Variants in WIPF3 observed in about 807,000 individuals in gnomAD.
WIPF3 encodes the protein WAS/WASL interacting protein family member 3, also known as WAS/WASL-interacting protein family member 3.
In WIPF3, 33 loss-of-function variants were observed where a neutral mutation model predicts 38.9. That is an observed-to-expected ratio of 0.85 (90% CI 0.64 to 1.14). WIPF3 has a LOEUF of 1.14. Among genes scored for constraint, WIPF3 ranks in the 50% most tolerant of loss-of-function variants. The probability of loss-of-function intolerance (pLI) is 0.00; values close to 1 mark genes in which losing one functional copy is unlikely to be tolerated. For missense variants in WIPF3, 711 were observed against 652.5 expected, an observed-to-expected ratio of 1.09 and a Z score of -0.98; for synonymous variants, 324 against 269.3, an observed-to-expected ratio of 1.20 and a Z score of -1.99.
In WIPF3 at chr7:29,888,049, C is replaced by G. The variant is rs1377747996; in HGVS notation, c.1100-19C>G. Reference sequence around the variant, plus strand: ...ATTCCCATCCGTGTTTCTGAGTACACCATCATCTTCTCTGTAAGGGGCCGG... The same window carrying G: ...ATTCCCATCCGTGTTTCTGAGTACAGCATCATCTTCTCTGTAAGGGGCCGG... On this transcript the variant is annotated intron_variant, in intron 5 of 8. Transcript: ENST00000242140. 2 of 1,613,580 alleles carry G rather than the reference C, an allele frequency of 1.2e-6. No homozygotes were observed. The highest frequency in any genetic ancestry group is 1.7e-5 in the Admixed American group (1 of 59,970).
intron 1 of WIPF3, among the ~76,000 whole-genome samples, chr7:29,826,378 C>G (rs112425526): frequency 3.9e-5 from 6 of 152,132 alleles, no homozygotes; most frequent in African/African-American, 1.4e-4. Flanking sequence ...ACTGAATCAG[C>G]TGAATCAGAA....
At chr7:29,843,757 T>A (rs1276364439) in intron 2 of WIPF3, among the ~76,000 whole-genome samples, 1 of 152,158 alleles carries the variant, frequency 6.6e-6, no homozygotes, top group Non-Finnish European at 1.5e-5. Flanking sequence ...ACTTACTTCT[T>A]TCCCCAAACT....
chr7:29,882,425 C>A (rs1785739137), intron 4 of WIPF3, among the ~76,000 whole-genome samples: 1 of 152,200 alleles, frequency 6.6e-6, no homozygotes, highest in Non-Finnish European at 1.5e-5. Flanking sequence ...CTGCTAATAC[C>A]ATCCTCACCC....
In WIPF3 at chr7:29,879,074, A is replaced by T. The variant is rs1305424799; in HGVS notation, c.289A>T (p.Thr97Ser). Reference sequence around the variant, plus strand: ...CACACGAGGCGCGAGCACACCTCCCACCCTGGGAGATCTGTTTGCTGGTGG... The same window carrying T: ...CACACGAGGCGCGAGCACACCTCCCTCCCTGGGAGATCTGTTTGCTGGTGG... ...ANTRGASTPP[T>S]LGDLFAGGFP... Residue 97 changes from threonine (T) to serine (S), a missense_variant, in exon 4 of 9, where the codon ACC (threonine) becomes TCC (serine). Transcript: ENST00000242140. 1 of 1,611,052 alleles carries T rather than the reference A, an allele frequency of 6.2e-7. No individual in the cohort carries two copies. Among genetic ancestry groups the T allele is most frequent in the Non-Finnish European group, 8.5e-7 (1 of 1,178,606 alleles).
intron 4 of WIPF3, 60 bp downstream of exon 4, chr7:29,879,200 T>C (rs1785668108): frequency 3.8e-6 from 6 of 1,567,754 alleles, no homozygotes; most frequent in Admixed American, 1.7e-5. Context: ...TGTGGAACCA[T>C]CTGGGCAATC....
At chr7:29,837,305 G>A (rs1784821181) in intron 2 of WIPF3, among the ~76,000 whole-genome samples, 2 of 150,578 alleles carry the variant, frequency 1.3e-5, no homozygotes, top group African/African-American at 2.4e-5. Context: ...GCGGTGAGCC[G>A]AGACCACGCC....
At position 29,863,265 on chromosome 7, in the gene WIPF3, G is replaced by A. The variant is rs540204913; in HGVS notation, c.91-12565G>A. Among the ~76,000 whole-genome samples, 105 of 152,246 alleles carry A rather than the reference G, an allele frequency of 6.9e-4. No homozygotes were observed. In the Middle Eastern group the frequency reaches 0.014, roughly 20 times the overall value. On this transcript the variant is annotated intron_variant, in intron 2 of 8. Transcript: ENST00000242140. ...CCACCCATAATCCATGGCAGCCACTGCTCTTCCTTTATTATCATTATTATT... is the reference window on the plus strand; with the variant it reads ...CCACCCATAATCCATGGCAGCCACTACTCTTCCTTTATTATCATTATTATT...
chr7:29,877,862 A>G (rs1375470260), intron 3 of WIPF3, among the ~76,000 whole-genome samples: 1 of 152,198 alleles, frequency 6.6e-6, no homozygotes, highest in African/African-American at 2.4e-5. Context: ...AAATATTTCA[A>G]AATTTTAAAA....
intron 2 of WIPF3, among the ~76,000 whole-genome samples, chr7:29,836,221 G>A (rs1212184616): frequency 1.3e-5 from 2 of 152,226 alleles, no homozygotes; most frequent in African/African-American, 4.8e-5. Flanking sequence ...ACAAAGTGAT[G>A]GTTTGTAAGT....
intron 3 of WIPF3, among the ~76,000 whole-genome samples, chr7:29,877,842 A>G (rs2128074045): frequency 6.6e-6 from 1 of 152,306 alleles, no homozygotes; most frequent in South Asian, 2.1e-4. Flanking sequence ...ATATCGCATT[A>G]TGTATATGTA....
intron 5 of WIPF3, among the ~76,000 whole-genome samples, chr7:29,886,953 G>A (rs1785895242): frequency 6.6e-6 from 1 of 152,204 alleles, no homozygotes. Flanking sequence ...GCATGTGGGA[G>A]CAAGTAAATT....
chr7:29,822,836 T>C (rs1205646887), intron 1 of WIPF3, among the ~76,000 whole-genome samples: 1 of 152,218 alleles, frequency 6.6e-6, no homozygotes, highest in Non-Finnish European at 1.5e-5. Context: ...AACAGATATT[T>C]TTACCGTCTT....
At position 29,864,281 on chromosome 7, in the gene WIPF3, A is replaced by G. The variant is rs566740325; in HGVS notation, c.91-11549A>G. 3.9e-5 allele frequency among the ~76,000 whole-genome samples: 6 copies of G among 152,248 alleles called. No homozygotes were observed. The South Asian group carries it at 1.2e-3, about 32-fold the overall frequency. ...TTTTTCTGTATCAATTGATGTGATC[A>G]TGTGATTTTTCTTTTTTAGACTATT... On this transcript the variant is annotated intron_variant, in intron 2 of 8. Coordinates refer to ENST00000242140, the MANE Select transcript of WIPF3 (RefSeq NM_001080529.3).
At chr7:29,833,271 C>T (rs1215659823) in intron 1 of WIPF3, among the ~76,000 whole-genome samples, 1 of 152,160 alleles carries the variant, frequency 6.6e-6, no homozygotes, top group Non-Finnish European at 1.5e-5. Flanking sequence ...ATTGTGAATG[C>T]ACTTAACGCC....
In WIPF3 at chr7:29,810,474, G is replaced by GTGAATGAATGAA. The variant is rs55728973; in HGVS notation, c.-58+3818_-58+3829dup. Among the ~76,000 whole-genome samples, 3 of 151,856 alleles carry GTGAATGAATGAA rather than the reference G, an allele frequency of 2.0e-5. No individual in the cohort carries two copies. In the East Asian group the frequency reaches 5.8e-4, roughly 29 times the overall value. On this transcript the variant is annotated intron_variant, in intron 1 of 8. Transcript: ENST00000242140. ...AGTGGAGGAATCAGTAATTGTGTGA[G>GTGAATGAATGAA]TGAATGAATGAATGAATGAATGAAT...
At chr7:29,912,569 T>G (rs1184881375) in intron 8 of WIPF3, 1 of 214,006 alleles carries the variant, frequency 4.7e-6, no homozygotes, top group Non-Finnish European at 9.9e-6. Flanking sequence ...AGTATTCATG[T>G]GCATGTGTGA....
intron 5 of WIPF3, 70 bp from the exon 6 acceptor site, chr7:29,887,998 T>C: frequency 6.3e-7 from 1 of 1,579,744 alleles, no homozygotes; most frequent in South Asian, 1.2e-5. Flanking sequence ...ATGCCTAATA[T>C]CTCACATAAG....
intron 2 of WIPF3, among the ~76,000 whole-genome samples, chr7:29,860,023 G>A (rs174950): frequency 0.92 from 139,770 of 152,158 alleles, 64,303 homozygotes; most frequent in East Asian, 1. Flanking sequence ...GTTGGCATCT[G>A]TAGTGTGTGG....
At chr7:29,902,549 G>GT (rs1314082311) in intron 7 of WIPF3, among the ~76,000 whole-genome samples, 7 of 152,058 alleles carry the variant, frequency 4.6e-5, no homozygotes, top group Admixed American at 2.6e-4. Context: ...TCTGAAGGGA[G>GT]TTTTTTGGCC....
Sources: allele counts gnomAD v4.1 joint callset (sites outside exome capture counted in the v4.1 genomes callset), GRCh38; gene constraint gnomAD v4.1.1; transcripts MANE v1.5; gene names NCBI Gene and HGNC (gene_info 2026-07-23, HGNC 2026-07-21).